Variants in TNS1 observed in about 807,000 individuals in gnomAD.
TNS1 encodes tensin 1.
In TNS1, 62 loss-of-function variants were observed where a neutral mutation model predicts 168.6. The ratio of observed to expected loss-of-function variants is 0.37; its 90% confidence interval spans 0.30 to 0.45. The LOEUF is 0.45. Ranked by LOEUF, TNS1 falls within the 20% of genes least tolerant of loss-of-function variation. The pLI, the probability that TNS1 is intolerant of heterozygous loss-of-function variation, is 1.00. For missense variants in TNS1, 2,240 were observed against 2,339.4 expected, an observed-to-expected ratio of 0.96 and a Z score of 0.88; for synonymous variants, 934 against 933.2, an observed-to-expected ratio of 1.00 and a Z score of -0.02.
At chr2:217,834,972 TG>T in intron 21 of TNS1, 118 bp downstream of exon 21, 1 of 776,824 alleles carries the variant, frequency 1.3e-6, no homozygotes, top group South Asian at 2.1e-5. Context: ...CAGCACGTTC[TG>T]GCCCCACCTG....
At position 217,811,474 on chromosome 2, in the gene TNS1, T is replaced by C. The variant is rs74725874; in HGVS notation, c.5032+894A>G. ...AATTGTCCAAAAATACTGGCGGTGTTATGTGTGGGCATAGCCCCAGGAGCT... is the reference window on the plus strand; with the variant it reads ...AATTGTCCAAAAATACTGGCGGTGTCATGTGTGGGCATAGCCCCAGGAGCT... On this transcript the variant is annotated intron_variant, in intron 28 of 32. Coordinates refer to ENST00000682258, the MANE Select transcript of TNS1 (RefSeq NM_001387777.1). Among the ~76,000 whole-genome samples, 145 of 152,228 alleles carry C rather than the reference T, an allele frequency of 9.5e-4. 2 individuals carry two copies. The East Asian group carries it at 0.027, about 29-fold the overall frequency.
At chr2:217,907,341 G>T in intron 4 of TNS1, 90 bp from the exon 5 acceptor site, 1 of 690,364 alleles carries the variant, frequency 1.4e-6, no homozygotes. Flanking sequence ...CTGATGGGCA[G>T]AATGCCCCCT....
rs774136808 is a variant in TNS1, at chr2:217,886,066, G to A, written c.1018C>T (p.Pro340Ser). 4 of 1,614,090 alleles carry A rather than the reference G, an allele frequency of 2.5e-6. No individual in the cohort carries two copies. The highest frequency in any genetic ancestry group is 1.1e-5 in the South Asian group (1 of 91,074). ...TACTAGATGCCAGATGTGTACACAG[G>A]TTGCATGGCCTGGTAGATGCGGAGA... Reference protein sequence around the residue: ...PFLRIYQAMQPVYTSGIYNIP... With the variant: ...PFLRIYQAMQSVYTSGIYNIP... Residue 340 changes from proline to serine, a missense_variant, in exon 14 of 33, where the codon CCT becomes TCT. Physicochemically the swap from Pro to Ser is moderately conservative, Grantham distance 74. This residue lies in a region of TNS1 where 2,131 missense variants were observed against 2,171.2 expected (regional missense o/e 0.98). Transcript: ENST00000682258.
At chr2:217,996,917 C>T (rs1025807400) in intron 1 of TNS1, among the ~76,000 whole-genome samples, 11 of 148,244 alleles carry the variant, frequency 7.4e-5, no homozygotes, top group Non-Finnish European at 1.6e-4. Flanking sequence ...TTGGTCCCTA[C>T]CCAGCCCACC....
At chr2:217,890,912 AGAGT>A in intron 12 of TNS1, 46 bp downstream of exon 12, 2 of 1,584,016 alleles carry the variant, frequency 1.3e-6, no homozygotes, top group East Asian at 4.5e-5. Context: ...GTCCCCACAT[AGAGT>A]GAGTGCACAC....
intron 3 of TNS1, among the ~76,000 whole-genome samples, chr2:217,951,374 G>A (rs1365601874): frequency 1.3e-5 from 2 of 152,322 alleles, no homozygotes; most frequent in African/African-American, 4.8e-5. Context: ...CTCAGATTTA[G>A]TGAGTGTTTC....
At chr2:217,840,523 T>C (rs1945803773) in intron 19 of TNS1, among the ~76,000 whole-genome samples, 1 of 152,206 alleles carries the variant, frequency 6.6e-6, no homozygotes, top group Non-Finnish European at 1.5e-5. Flanking sequence ...GTCACAGAGG[T>C]GGTCTCAGGC....
At chr2:217,971,438 C>T (rs925116378) in intron 3 of TNS1, among the ~76,000 whole-genome samples, 6 of 152,212 alleles carry the variant, frequency 3.9e-5, no homozygotes, top group African/African-American at 4.8e-5. Flanking sequence ...TCCCACTGTA[C>T]TATGACATTG....
chr2:217,814,819 A>T, intron 25 of TNS1, 93 bp downstream of exon 25: 1 of 1,003,428 alleles, frequency 1.0e-6, no homozygotes, highest in Non-Finnish European at 1.5e-6. Context: ...TGCTACAAAG[A>T]GGACTGAATT....
intron 3 of TNS1, among the ~76,000 whole-genome samples, chr2:217,961,216 G>GTC (rs201888585): frequency 0.038 from 5,530 of 145,776 alleles, 146 homozygotes; most frequent in African/African-American, 0.052. Context: ...CCATCTCAGG[G>GTC]TGTCTCTCTC....
At chr2:217,937,466 C>G (rs1267140261) in intron 3 of TNS1, among the ~76,000 whole-genome samples, 1 of 152,124 alleles carries the variant, frequency 6.6e-6, no homozygotes, top group Non-Finnish European at 1.5e-5. Context: ...GGCTTCTCCC[C>G]ATGCCAGCCC....
At chr2:217,842,103 C>A (rs1574753922) in intron 19 of TNS1, 1 of 703,040 alleles carries the variant, frequency 1.4e-6, no homozygotes, top group East Asian at 2.7e-5. Context: ...CTGGTTCCCT[C>A]CTCCTGTCTG....
chr2:217,807,960 G>T, intron 32 of TNS1, 115 bp downstream of exon 32: 1 of 1,278,896 alleles, frequency 7.8e-7, no homozygotes, highest in Non-Finnish European at 1.1e-6. Flanking sequence ...TTGGCACAAA[G>T]GTTTTTGCTG....
At chr2:217,987,784 C>T (rs1958238303) in intron 2 of TNS1, among the ~76,000 whole-genome samples, 1 of 152,196 alleles carries the variant, frequency 6.6e-6, no homozygotes, top group Non-Finnish European at 1.5e-5. Flanking sequence ...GAGTCAGGCT[C>T]AGTGAACAGA....
intron 2 of TNS1, among the ~76,000 whole-genome samples, chr2:217,984,081 G>A (rs1358456410): frequency 6.6e-6 from 1 of 152,106 alleles, no homozygotes; most frequent in African/African-American, 2.4e-5. Flanking sequence ...CCAGCACACG[G>A]CTCTGGACTC....
chr2:217,944,572 C>G (rs1256865943), intron 3 of TNS1, among the ~76,000 whole-genome samples: 5 of 152,240 alleles, frequency 3.3e-5, no homozygotes, highest in Non-Finnish European at 5.9e-5. Flanking sequence ...CCAGGAATCT[C>G]ACTTCTGAAC....
At chr2:217,903,670 G>T (rs980185193) in intron 6 of TNS1, 1 of 1,414,384 alleles carries the variant, frequency 7.1e-7, no homozygotes, top group Non-Finnish European at 9.6e-7. Flanking sequence ...CTCCCAGACA[G>T]AGTGTCTTAC....
At chr2:218,023,032 G>A (rs577023591) in intron 1 of TNS1, among the ~76,000 whole-genome samples, 2 of 152,356 alleles carry the variant, frequency 1.3e-5, no homozygotes, top group Non-Finnish European at 2.9e-5. Context: ...ACGTCTGGCT[G>A]GAAGAAGGGC....
At chr2:217,858,492 C>T in intron 18 of TNS1, 1 of 985,542 alleles carries the variant, frequency 1.0e-6, no homozygotes, top group Non-Finnish European at 1.2e-6. Context: ...AGACACTTAC[C>T]CTCTGGAGGG....
Sources: allele counts gnomAD v4.1 joint callset (sites outside exome capture counted in the v4.1 genomes callset), GRCh38; gene constraint gnomAD v4.1.1; regional missense constraint gnomAD v4.1.1; transcripts MANE v1.5; gene names NCBI Gene and HGNC (gene_info 2026-07-23, HGNC 2026-07-21).